ABCA10: variants seen among roughly 807,000 people sequenced by gnomAD.
The protein encoded by ABCA10 is ATP binding cassette subfamily A member 10.
ABCA10 carries 169 observed loss-of-function variants against 187.5 expected under a neutral mutation model. The observed-to-expected ratio is 0.90, with a 90% CI of 0.80 to 1.02. The LOEUF (loss-of-function observed/expected upper bound fraction) is 1.02. ABCA10 is among the 50% of genes least tolerant of loss of function. The pLI is 0.00. For synonymous variants in ABCA10, 574 were observed against 601.8 expected, an observed-to-expected ratio of 0.95 and a Z score of 0.68; for missense variants, 1,727 against 1,812.4, an observed-to-expected ratio of 0.95 and a Z score of 0.86.
chr17:69,209,336 T>C (rs1230163627), intron 9 of ABCA10, among the ~76,000 whole-genome samples: 1 of 152,176 alleles, frequency 6.6e-6, no homozygotes, highest in African/African-American at 2.4e-5. Flanking sequence ...ATTCAATTCA[T>C]TTCTTCACAG....
chr17:69,217,208 T>C lies in ABCA10; in HGVS notation c.531-850A>G, dbSNP rs561105303. Reference sequence around the variant, plus strand: ...GTTGCAGTGAGACAAGATCGTGCCATTGCACTCCAGCCTGGGCAACAAGAG... The same window carrying C: ...GTTGCAGTGAGACAAGATCGTGCCACTGCACTCCAGCCTGGGCAACAAGAG... On this transcript the variant is annotated intron_variant, in intron 6 of 38. Coordinates refer to ENST00000690296, the MANE Select transcript of ABCA10 (RefSeq NM_001377321.1). Among the ~76,000 whole-genome samples the C allele has an allele frequency of 3.3e-5, 5 of 151,354 alleles. No homozygotes were observed. The East Asian group carries it at 5.8e-4, about 18-fold the overall frequency.
At chr17:69,172,404 G>A (rs1048644034) in intron 25 of ABCA10, among the ~76,000 whole-genome samples, 3 of 152,104 alleles carry the variant, frequency 2.0e-5, no homozygotes, top group African/African-American at 7.2e-5. Context: ...CTTATAAGAA[G>A]GGGAGATTAG....
At chr17:69,149,122 A>G (rs2074109649) in intron 37 of ABCA10, 34 bp from the exon 38 acceptor site, 1 of 1,611,228 alleles carries the variant, frequency 6.2e-7, no homozygotes, top group South Asian at 1.1e-5. Context: ...AGTGGCTTAT[A>G]TATTTTTCAC....
chr17:69,169,468 A>G lies in ABCA10; in HGVS notation c.3163-4385T>C, dbSNP rs1267621263. On this transcript the variant is annotated intron_variant, in intron 25 of 38. Coordinates refer to ENST00000690296, the MANE Select transcript of ABCA10 (RefSeq NM_001377321.1). Reference sequence around the variant, plus strand: ...TCCCCCAAAGTAATTTATAGATTCAATGCAATCCCAATTAATATCACTTCT... The same window carrying G: ...TCCCCCAAAGTAATTTATAGATTCAGTGCAATCCCAATTAATATCACTTCT... 2.0e-5 allele frequency among the ~76,000 whole-genome samples: 3 copies of G among 152,352 alleles called. No homozygotes were observed. The South Asian group carries it at 6.2e-4, about 32-fold the overall frequency.
chr17:69,211,828 T>C (rs990122934), intron 9 of ABCA10, among the ~76,000 whole-genome samples: 2 of 152,208 alleles, frequency 1.3e-5, no homozygotes, highest in Non-Finnish European at 2.9e-5. Flanking sequence ...TCAGTTGTAA[T>C]ATCTCTCATT....
intron 10 of ABCA10, among the ~76,000 whole-genome samples, chr17:69,200,487 GAATAA>G (rs1293549466): frequency 6.6e-6 from 1 of 152,048 alleles, no homozygotes; most frequent in African/African-American, 2.4e-5. Flanking sequence ...CAAAAATCTT[GAATAA>G]AATAAGTAAA....
Position 69,164,883 on chromosome 17 carries a change from C to T in ABCA10, c.3282+81G>A, listed in dbSNP as rs187259738. The T allele has an allele frequency of 3.4e-4, 497 of 1,456,808 alleles. 2 individuals carry two copies. In the African/African-American group the frequency reaches 6.3e-3, roughly 19 times the overall value. The allele number at this position is 1,456,808 out of a possible 1,614,324, so 90.2% of individuals were successfully genotyped here. On this transcript the variant is annotated intron_variant, in intron 26 of 38. Coordinates refer to ENST00000690296, the MANE Select transcript of ABCA10 (RefSeq NM_001377321.1). ...GAATAACTTCAAAATTTTATAAATGCACCTGTTCCGACAATGGGTAAGGAT... is the reference window on the plus strand; with the variant it reads ...GAATAACTTCAAAATTTTATAAATGTACCTGTTCCGACAATGGGTAAGGAT...
upstream of ABCA10, among the ~76,000 whole-genome samples, chr17:69,230,427 G>A (rs1172284338): frequency 1.3e-5 from 2 of 152,074 alleles, no homozygotes; most frequent in African/African-American, 4.8e-5. Context: ...GTCCCTTGGA[G>A]AGGTCATATA....
rs774580071 is a variant in ABCA10, at chr17:69,155,120, G to A, written c.3593C>T (p.Ala1198Val). Residue 1198 changes from alanine (A) to valine (V), a missense_variant, in exon 30 of 39, where the codon GCA (alanine) becomes GTA (valine). Physicochemically the swap from Ala to Val is moderately conservative, Grantham distance 64. Coordinates refer to ENST00000690296, the MANE Select transcript of ABCA10 (RefSeq NM_001377321.1). ...ATAATATTCCTTGTGTAAACAGCTTGCAGTTATGACTGGTTCCTGGAAAAC... is the reference window on the plus strand; with the variant it reads ...ATAATATTCCTTGTGTAAACAGCTTACAGTTATGACTGGTTCCTGGAAAAC... Reference protein sequence around the residue: ...PNLEEEPVITASCLHKEYYET... With the variant: ...PNLEEEPVITVSCLHKEYYET... 1 of 1,609,954 alleles carries A rather than the reference G, an allele frequency of 6.2e-7. No individual in the cohort carries two copies. The highest frequency in any genetic ancestry group is 2.2e-5 in the East Asian group (1 of 44,732).
At chr17:69,239,907 G>A (rs1193592018) in intron 1 of ABCA10, among the ~76,000 whole-genome samples, 3 of 152,086 alleles carry the variant, frequency 2.0e-5, no homozygotes, top group African/African-American at 7.2e-5. Context: ...CAGGATGCCT[G>A]GTTTTCTGGG....
At chr17:69,234,812 A>G (rs1280681821) in intron 1 of ABCA10, 1 of 152,222 alleles carries the variant, frequency 6.6e-6, no homozygotes, top group Non-Finnish European at 1.5e-5. Context: ...TAAACCTTCA[A>G]TTAATCTTAA....
intron 3 of ABCA10, among the ~76,000 whole-genome samples, chr17:69,224,430 G>T (rs759766085): frequency 3.9e-5 from 6 of 152,200 alleles, no homozygotes; most frequent in South Asian, 2.1e-4. Context: ...CTGAAGAAAA[G>T]AACATTTTAT....
At chr17:69,167,615 CA>C (rs1233882169) in intron 25 of ABCA10, among the ~76,000 whole-genome samples, 1 of 152,070 alleles carries the variant, frequency 6.6e-6, no homozygotes, top group East Asian at 1.9e-4. Flanking sequence ...GAGAAATTAA[CA>C]CAAGACAATT....
chr17:69,202,195 C>G (rs1006959984), intron 9 of ABCA10, among the ~76,000 whole-genome samples: 1 of 152,160 alleles, frequency 6.6e-6, no homozygotes, highest in African/African-American at 2.4e-5. Flanking sequence ...AAAGGGAATA[C>G]AGTTCTAGCT....
At position 69,190,198 on chromosome 17, in the gene ABCA10, G is replaced by A. The variant is rs143465433; in HGVS notation, c.2131+160C>T. On this transcript the variant is annotated intron_variant, in intron 18 of 38. Coordinates refer to ENST00000690296, the MANE Select transcript of ABCA10 (RefSeq NM_001377321.1). ...TCGATATAAAATGATTATAATACTGGACAATGCTAGTATTTTCTATCTAGT... is the reference window on the plus strand; with the variant it reads ...TCGATATAAAATGATTATAATACTGAACAATGCTAGTATTTTCTATCTAGT... 4.1e-3 allele frequency among the ~76,000 whole-genome samples: 631 copies of A among 152,174 alleles called. 4 individuals carry two copies. The highest frequency in any genetic ancestry group is 0.014 in the African/African-American group (592 of 41,538).
At chr17:69,206,804 T>C (rs746130680) in intron 9 of ABCA10, among the ~76,000 whole-genome samples, 3 of 152,140 alleles carry the variant, frequency 2.0e-5, no homozygotes, top group Non-Finnish European at 4.4e-5. Context: ...AACCTGAAAC[T>C]GTAAAACTAC....
rs1439569627 is a variant in ABCA10 at position 69,228,763 on chromosome 17, T to C, written c.-495A>G. 1.3e-5 allele frequency: 2 copies of C among 151,970 alleles called. No individual in the cohort carries two copies. Among genetic ancestry groups the C allele is most frequent in the African/African-American group, 4.8e-5 (2 of 41,404 alleles). The allele number at this position is 151,970 out of a possible 1,614,324, so 9.4% of individuals were successfully genotyped here. The stretch of plus-strand genomic sequence containing the variant: ...GTGTGTAGAACATGCCAACAAATTC[T>C]GTTGGTTTTTTCCCTATGTTTTTCT... On this transcript the variant is annotated 5_prime_UTR_variant, in exon 1 of 39. Transcript: ENST00000690296.
intron 36 of ABCA10, among the ~76,000 whole-genome samples, chr17:69,151,726 G>A (rs1055568212): frequency 2.0e-5 from 3 of 152,136 alleles, no homozygotes; most frequent in Non-Finnish European, 4.4e-5. Context: ...TGTTTTCATT[G>A]TCTATTTTTT....
At chr17:69,185,077 C>G (rs771447606) in intron 20 of ABCA10, among the ~76,000 whole-genome samples, 6 of 151,940 alleles carry the variant, frequency 3.9e-5, no homozygotes, top group Non-Finnish European at 7.4e-5. Context: ...TATGTTATCA[C>G]TTATAAGTGG....
Sources: allele counts gnomAD v4.1 joint callset (sites outside exome capture counted in the v4.1 genomes callset), GRCh38; gene constraint gnomAD v4.1.1; transcripts MANE v1.5; gene names NCBI Gene and HGNC (gene_info 2026-07-23, HGNC 2026-07-21).